EHD1: variants seen among roughly 807,000 people sequenced by gnomAD.
EHD1 encodes the protein EH domain-containing protein 1.
A neutral mutation model predicts 39.0 loss-of-function variants in EHD1; 19 were observed. That is an observed-to-expected ratio of 0.49 (90% CI 0.34 to 0.72). The LOEUF is 0.72. Among genes scored for constraint, EHD1 ranks in the 30% least tolerant of loss-of-function variants. The probability of loss-of-function intolerance (pLI) is 0.01; values close to 1 mark genes in which losing one functional copy is unlikely to be tolerated. For missense variants in EHD1, 542 were observed against 751.5 expected (o/e 0.72, Z 3.26); for synonymous variants, 323 against 331.2 (o/e 0.98, Z 0.27).
In EHD1 at chr11:64,854,457, C is replaced by G; in HGVS notation, c.1481G>C (p.Gly494Ala). The G allele has an allele frequency of 6.2e-7, 1 of 1,614,118 alleles. No homozygotes were observed. The highest frequency in any genetic ancestry group is 8.5e-7 in the Non-Finnish European group (1 of 1,179,982). ...IWKLADVDKD[G>A]LLDDEEFALA... is the part of the protein sequence containing the mutation. ...CGCGAACTCCTCGTCGTCCAGCAGC[C>G]CGTCCTTGTCCACGTCGGCCAGCTT... is the stretch of plus-strand genomic sequence containing the variant. Residue 494 changes from glycine to alanine, a missense_variant, in exon 5 of 5, where the codon GGG becomes GCG. By Grantham distance (60) the Gly-to-Ala change is moderately conservative (BLOSUM62 0). Coordinates refer to ENST00000320631, the MANE Select transcript of EHD1 (RefSeq NM_006795.4).
rs151119199 is a variant in EHD1, at chr11:64,854,746, G to A, written c.1192C>T (p.Arg398Trp). 1.1e-5 allele frequency: 17 copies of A among 1,611,492 alleles called. No individual in the cohort carries two copies. The highest frequency in any genetic ancestry group is 1.6e-4 in the Middle Eastern group (1 of 6,084). Residue 398 changes from arginine to tryptophan, a missense_variant, in exon 5 of 5, where the codon CGG becomes TGG. Transcript: ENST00000320631. ...GAAGGCATCAGGGACTCCTCCTGCCGCACCATCACCATCAGCCGCGCGATG... is the reference window on the plus strand; with the variant it reads ...GAAGGCATCAGGGACTCCTCCTGCCACACCATCACCATCAGCCGCGCGATG... ...NDIARLMVMV[R>W]QEESLMPSQV... is the part of the protein sequence containing the mutation.
At chr11:64,862,451 T>A (rs1423053123) in intron 2 of EHD1, among the ~76,000 whole-genome samples, 1 of 152,136 alleles carries the variant, frequency 6.6e-6, no homozygotes, top group Non-Finnish European at 1.5e-5. Context: ...GTTTTCTCCC[T>A]CCTGAGGACG....
At chr11:64,872,102 C>G (rs1220831403) in intron 2 of EHD1, among the ~76,000 whole-genome samples, 2 of 152,136 alleles carry the variant, frequency 1.3e-5, no homozygotes, top group Non-Finnish European at 2.9e-5. Context: ...AGGCAAGCAA[C>G]ACAAGACATA....
At chr11:64,879,044 C>G, upstream of EHD1, 1 of 999,444 alleles carries the variant, frequency 1.0e-6, no homozygotes, top group Non-Finnish European at 1.2e-6. Flanking sequence ...CACGTGCGGT[C>G]CTCCAGCTGG....
intron 2 of EHD1, among the ~76,000 whole-genome samples, chr11:64,862,036 G>C (rs1943722160): frequency 2.6e-5 from 4 of 152,264 alleles, no homozygotes; most frequent in Non-Finnish European, 4.4e-5. Flanking sequence ...AGACTCCTGA[G>C]TAGCTGGGAC....
upstream of EHD1, chr11:64,879,299 G>C: frequency 1.1e-6 from 1 of 893,754 alleles, no homozygotes; most frequent in Non-Finnish European, 1.5e-6. Flanking sequence ...GTGGGAATGG[G>C]AGAGGGACGC....
In EHD1 at chr11:64,868,748, G is replaced by C. The variant is rs1329630777; in HGVS notation, c.502+5673C>G. ...AGCCCAGGAATGCTTTGTACAGCAGGGCACCTGAGGAGGGTGGACTTCACT... is the reference window on the plus strand; with the variant it reads ...AGCCCAGGAATGCTTTGTACAGCAGCGCACCTGAGGAGGGTGGACTTCACT... On this transcript the variant is annotated intron_variant, in intron 2 of 4. Coordinates refer to ENST00000320631, the MANE Select transcript of EHD1 (RefSeq NM_006795.4). This position sits in a 1 kb window ranked among gnomAD's most constrained non-coding sequence, Gnocchi z 4.2. Among the ~76,000 whole-genome samples the C allele has an allele frequency of 1.3e-5, 2 of 152,206 alleles. No homozygotes were observed. Among genetic ancestry groups the C allele is most frequent in the Non-Finnish European group, 1.5e-5 (1 of 68,042 alleles).
chr11:64,867,004 G>A (rs2136490206), intron 2 of EHD1, among the ~76,000 whole-genome samples: 1 of 152,316 alleles, frequency 6.6e-6, no homozygotes, highest in Admixed American at 6.5e-5. Flanking sequence ...TTTGGGAAGT[G>A]AAGAGCTCTG....
At chr11:64,869,193 C>T (rs552687744) in intron 2 of EHD1, among the ~76,000 whole-genome samples, 1 of 152,382 alleles carries the variant, frequency 6.6e-6, no homozygotes, top group Admixed American at 6.5e-5. Flanking sequence ...AGCCCACCGC[C>T]AGTGCGCAGC....
intron 3 of EHD1, among the ~76,000 whole-genome samples, chr11:64,856,959 GCT>G (rs1943660341): frequency 6.6e-6 from 1 of 152,202 alleles, no homozygotes; most frequent in Admixed American, 6.5e-5. Context: ...GAGCAAGGGA[GCT>G]CTCTCTGCCC....
chr11:64,878,553 C>T lies in EHD1; in HGVS notation c.-89G>A, dbSNP rs1943915596. ...GGAGCCGAGGCGGGGCCGGCCGGGG[C>T]AGGGAATCGGGAGCGACCCACACTG... On this transcript the variant is annotated 5_prime_UTR_variant, in exon 1 of 5. Coordinates refer to ENST00000320631, the MANE Select transcript of EHD1 (RefSeq NM_006795.4). 1.4e-6 allele frequency: 2 copies of T among 1,470,706 alleles called. No homozygotes were observed. The highest frequency in any genetic ancestry group is 1.8e-6 in the Non-Finnish European group (2 of 1,115,052). The allele number at this position is 1,470,706 out of a possible 1,614,324, so 91.1% of individuals were successfully genotyped here. A position where few individuals can be genotyped will look rare whatever the true frequency, so the allele number is the denominator to read the frequency against.
intron 2 of EHD1, among the ~76,000 whole-genome samples, chr11:64,862,981 C>G: frequency 6.6e-6 from 1 of 152,204 alleles, no homozygotes. Context: ...CATGTGGAAA[C>G]AAAGGCCTAG....
chr11:64,856,894 C>T (rs556540019), intron 3 of EHD1, among the ~76,000 whole-genome samples: 9 of 152,324 alleles, frequency 5.9e-5, no homozygotes, highest in Non-Finnish European at 7.3e-5. Flanking sequence ...GTCTCACAGA[C>T]GACCAGGCAG....
chr11:64,875,067 G>A (rs141396903), intron 1 of EHD1, among the ~76,000 whole-genome samples: 191 of 152,360 alleles, frequency 1.3e-3, no homozygotes, highest in East Asian at 5.4e-3. Flanking sequence ...AAGCACAGAC[G>A]CGCCATTCTC....
intron 3 of EHD1, among the ~76,000 whole-genome samples, chr11:64,857,227 C>A (rs1253460393): frequency 6.6e-6 from 1 of 152,148 alleles, no homozygotes; most frequent in Non-Finnish European, 1.5e-5. Flanking sequence ...GAGTTCGAGA[C>A]CAGCCTGATC....
chr11:64,855,592 CAG>C, intron 3 of EHD1, 106 bp from the exon 4 acceptor site: 4 of 1,534,212 alleles, frequency 2.6e-6, no homozygotes, highest in Non-Finnish European at 3.5e-6. Flanking sequence ...CGCTCAGGAA[CAG>C]GGAAGCAGGA....
chr11:64,857,199 C>T (rs1354079944), intron 3 of EHD1, among the ~76,000 whole-genome samples: 2 of 152,102 alleles, frequency 1.3e-5, no homozygotes, highest in African/African-American at 2.4e-5. Context: ...CCGAGGCAGG[C>T]GGATCACCTA....
Position 64,860,013 on chromosome 11 carries a change from G to T in EHD1, c.826C>A (p.Gln276Lys). The T allele has an allele frequency of 6.2e-7, 1 of 1,614,096 alleles. No homozygotes were observed. Among genetic ancestry groups the T allele is most frequent in the Non-Finnish European group, 8.5e-7 (1 of 1,180,036 alleles). Residue 276 changes from glutamine (Q) to lysine (K), a missense_variant, in exon 3 of 5, where the codon CAG becomes AAG. Physicochemically the swap from Gln to Lys is moderately conservative, Grantham distance 53. Coordinates refer to ENST00000320631, the MANE Select transcript of EHD1 (RefSeq NM_006795.4). ...GACTGGATGTCCTTGAAGAGGTCCT[G>T]CTCCTCGGCCTCAAAGAGCTTGCGG... ...DNRKLFEAEEQDLFKDIQSLP... is the reference protein window; with the variant it reads ...DNRKLFEAEEKDLFKDIQSLP...
At chr11:64,874,982 G>A (rs1004603253) in intron 1 of EHD1, among the ~76,000 whole-genome samples, 2 of 152,220 alleles carry the variant, frequency 1.3e-5, no homozygotes, top group African/African-American at 4.8e-5. Context: ...TCAACCAGCC[G>A]CTTGGGTGAG....
Sources: gnomAD v4.1 joint callset for allele counts (sites outside exome capture counted in the v4.1 genomes callset) on GRCh38, gnomAD v4.1.1 for gene constraint, Gnocchi (gnomAD v3.1) non-coding constraint, MANE v1.5 for transcripts, NCBI Gene and HGNC (gene_info 2026-07-23, HGNC 2026-07-21) for gene names.